RIMBP2: variants seen among roughly 807,000 people sequenced by gnomAD.
The protein encoded by RIMBP2 is RIMS binding protein 2.
RIMBP2 carries 48 observed loss-of-function variants against 118.6 expected under a neutral mutation model. That is an observed-to-expected ratio of 0.40 (90% CI 0.32 to 0.51). The LOEUF (loss-of-function observed/expected upper bound fraction) is 0.51. Ranked by LOEUF, RIMBP2 falls within the 20% of genes least tolerant of loss-of-function variation. RIMBP2 has a pLI of 0.41. For synonymous variants in RIMBP2, 762 were observed against 742.9 expected (o/e 1.03, Z -0.42); for missense variants, 1,551 against 1,768.3 (o/e 0.88, Z 2.20).
intron 1 of RIMBP2, among the ~76,000 whole-genome samples, chr12:130,629,362 G>A (rs889428706): frequency 6.6e-6 from 1 of 152,222 alleles, no homozygotes; most frequent in Non-Finnish European, 1.5e-5. Context: ...GCCCAAGCAT[G>A]AGTAAGATCA....
At chr12:130,574,278 G>A (rs556903871) in intron 2 of RIMBP2, among the ~76,000 whole-genome samples, 50 of 152,156 alleles carry the variant, frequency 3.3e-4, no homozygotes, top group Admixed American at 1.6e-3. Context: ...GGGGGGTGGC[G>A]GTGGGCGGTG....
intron 2 of RIMBP2, among the ~76,000 whole-genome samples, chr12:130,551,451 A>G (rs1443762975): frequency 6.6e-6 from 1 of 152,260 alleles, no homozygotes; most frequent in African/African-American, 2.4e-5. Context: ...TGTTGCATGA[A>G]AAAGAAATGT....
chr12:130,513,600 C>T (rs2051143991), intron 3 of RIMBP2, among the ~76,000 whole-genome samples: 1 of 152,304 alleles, frequency 6.6e-6, no homozygotes, highest in Admixed American at 6.5e-5. Context: ...GTTAGTTTTG[C>T]AGCTTCAAAG....
chr12:130,483,976 G>A (rs1399048174), intron 4 of RIMBP2, among the ~76,000 whole-genome samples: 1 of 152,142 alleles, frequency 6.6e-6, no homozygotes, highest in Non-Finnish European at 1.5e-5. Flanking sequence ...GGGGCTGCGA[G>A]GGCTTCCGCG....
chr12:130,618,359 C>G (rs1310597406), intron 2 of RIMBP2, among the ~76,000 whole-genome samples: 1 of 152,146 alleles, frequency 6.6e-6, no homozygotes, highest in Non-Finnish European at 1.5e-5. Flanking sequence ...ATGTACAGCA[C>G]TGGATATATC....
chr12:130,572,340 C>T (rs2057739659), intron 2 of RIMBP2, among the ~76,000 whole-genome samples: 1 of 152,186 alleles, frequency 6.6e-6, no homozygotes, highest in South Asian at 2.1e-4. Context: ...ACAGTAACCC[C>T]AAACATGGAA....
chr12:130,711,063 C>A (rs772494519), intron 1 of RIMBP2, among the ~76,000 whole-genome samples: 8 of 152,328 alleles, frequency 5.3e-5, no homozygotes, highest in Admixed American at 2.6e-4. Context: ...GTCAACATGG[C>A]GTAATCCCAT....
chr12:130,438,334 A>ATCC, intron 12 of RIMBP2, 31 bp downstream of exon 12: 3 of 1,344,518 alleles, frequency 2.2e-6, no homozygotes, highest in Non-Finnish European at 3.2e-6. Context: ...GGGCCTAACA[A>ATCC]ACCCTCCCCA....
chr12:130,615,371 C>G (rs1473515859), intron 2 of RIMBP2, among the ~76,000 whole-genome samples: 1 of 150,314 alleles, frequency 6.7e-6, no homozygotes, highest in African/African-American at 2.5e-5. Context: ...AATGCAGTGG[C>G]ATGATCTCGG....
intron 4 of RIMBP2, among the ~76,000 whole-genome samples, chr12:130,497,526 G>A (rs2049302685): frequency 6.6e-6 from 1 of 152,214 alleles, no homozygotes; most frequent in South Asian, 2.1e-4. Context: ...GGGAGAAGGG[G>A]CTGGAGAGAT....
chr12:130,440,129 TGC>T (rs2077995777), intron 11 of RIMBP2, among the ~76,000 whole-genome samples: 1 of 107,162 alleles, frequency 9.3e-6, no homozygotes, highest in African/African-American at 3.7e-5. Flanking sequence ...TGGCCGTACC[TGC>T]ACCACCGTCC....
At chr12:130,587,878 C>G (rs1352289998) in intron 2 of RIMBP2, among the ~76,000 whole-genome samples, 1 of 151,662 alleles carries the variant, frequency 6.6e-6, no homozygotes, top group Non-Finnish European at 1.5e-5. Context: ...GCGGTGTCCT[C>G]CAACTTCCCC....
intron 3 of RIMBP2, among the ~76,000 whole-genome samples, chr12:130,515,425 GCTCTGATGA>G (rs2051347187): frequency 6.6e-6 from 1 of 151,908 alleles, no homozygotes; most frequent in Admixed American, 6.6e-5. Context: ...TGTCTCTATG[GCTCTGATGA>G]CTCTAGGAAC....
chr12:130,509,706 G>A (rs963886981), intron 3 of RIMBP2, among the ~76,000 whole-genome samples: 3 of 151,070 alleles, frequency 2.0e-5, no homozygotes, highest in African/African-American at 7.4e-5. Flanking sequence ...TCCTTTGCAG[G>A]TGTCCTGCCC....
At chr12:130,497,173 C>G (rs1026484727) in intron 4 of RIMBP2, among the ~76,000 whole-genome samples, 1 of 152,150 alleles carries the variant, frequency 6.6e-6, no homozygotes, top group African/African-American at 2.4e-5. Flanking sequence ...CCCTGATGTG[C>G]GACCGCACCT....
chr12:130,669,716 A>G lies in RIMBP2; in HGVS notation c.-351-41260T>C, dbSNP rs144016883. On this transcript the variant is annotated intron_variant, in intron 1 of 22. Transcript: ENST00000690449. ...TTGGGTATGTCTTCATTGCAGTGTG[A>G]GAACGGACGAACACACTAGGAATGC... Among the ~76,000 whole-genome samples the G allele has an allele frequency of 8.5e-5, 13 of 152,272 alleles. No homozygotes were observed. In the East Asian group the frequency reaches 2.1e-3, roughly 25 times the overall value.
intron 4 of RIMBP2, among the ~76,000 whole-genome samples, chr12:130,502,901 T>C (rs1302492760): frequency 1.3e-5 from 2 of 152,192 alleles, no homozygotes; most frequent in Non-Finnish European, 2.9e-5. Context: ...GGTGCACCGA[T>C]GTACCCCTTT....
chr12:130,416,881 C>A (rs1001732652), intron 17 of RIMBP2, among the ~76,000 whole-genome samples: 6 of 151,898 alleles, frequency 4.0e-5, no homozygotes, highest in African/African-American at 1.5e-4. Flanking sequence ...AAAATGACTC[C>A]ATTAAAAAGA....
chr12:130,569,379 C>A (rs968149314), intron 2 of RIMBP2, among the ~76,000 whole-genome samples: 1 of 152,222 alleles, frequency 6.6e-6, no homozygotes, highest in Non-Finnish European at 1.5e-5. Context: ...TCCTTCTTCT[C>A]ACGCCCAGTT....
Sources: allele counts gnomAD v4.1 joint callset (sites outside exome capture counted in the v4.1 genomes callset), GRCh38; gene constraint gnomAD v4.1.1; transcripts MANE v1.5; gene names NCBI Gene and HGNC (gene_info 2026-07-23, HGNC 2026-07-21).